USP34: variants seen among roughly 807,000 people sequenced by gnomAD.
The protein encoded by USP34 is ubiquitin carboxyl-terminal hydrolase 34.
USP34 carries 70 observed loss-of-function variants against 460.3 expected under a neutral mutation model. The ratio of observed to expected loss-of-function variants is 0.15; its 90% CI spans 0.13 to 0.19. The LOEUF (loss-of-function observed/expected upper bound fraction) is 0.19, where lower values mean the gene tolerates loss of function less well. USP34 is among the 10% of genes least tolerant of loss of function. The probability of loss-of-function intolerance (pLI) is 1.00; values close to 1 mark genes in which losing one functional copy is unlikely to be tolerated. For missense variants in USP34, 3,985 were observed against 4,236.2 expected (o/e 0.94, Z 1.65); for synonymous variants, 1,647 against 1,405.3 (o/e 1.17, Z -3.85).
chr2:61,369,909 C>A (rs1420599042), intron 10 of USP34, among the ~76,000 whole-genome samples: 3 of 141,670 alleles, frequency 2.1e-5, no homozygotes, highest in East Asian at 2.1e-4. Flanking sequence ...AGAGATGGGG[C>A]AGAAAGGAAA....
intron 1 of USP34, among the ~76,000 whole-genome samples, chr2:61,435,796 C>G (rs113618752): frequency 6.6e-6 from 1 of 151,848 alleles, no homozygotes; most frequent in African/African-American, 2.4e-5. Context: ...TGGGAGGCCA[C>G]GACGGGCAGA....
rs1690769880 is a variant in USP34, at chr2:61,316,962, G to A, written c.3282+692C>T. Among the ~76,000 whole-genome samples, 3 of 152,124 alleles carry A rather than the reference G, an allele frequency of 2.0e-5. No individual in the cohort carries two copies. In the South Asian group the frequency reaches 6.2e-4, roughly 31 times the overall value. On this transcript the variant is annotated intron_variant, in intron 23 of 79. Coordinates refer to ENST00000398571, the MANE Select transcript of USP34 (RefSeq NM_014709.4). ...AAAAATTTCCCCAAACTTGCTAAGAGATACAAGTATTCTTTTTTCTTCAGA... is the reference window on the plus strand; with the variant it reads ...AAAAATTTCCCCAAACTTGCTAAGAAATACAAGTATTCTTTTTTCTTCAGA...
chr2:61,277,772 A>G (rs1689414865), intron 41 of USP34: 1 of 163,868 alleles, frequency 6.1e-6, no homozygotes, highest in African/African-American at 2.4e-5. Flanking sequence ...TATTGCCTAT[A>G]ATTCCCATTG....
chr2:61,343,443 A>C (rs549588639), intron 16 of USP34, among the ~76,000 whole-genome samples: 1 of 152,354 alleles, frequency 6.6e-6, no homozygotes, highest in East Asian at 1.9e-4. Flanking sequence ...TAGACATATC[A>C]TATAAATGGA....
intron 1 of USP34, among the ~76,000 whole-genome samples, chr2:61,467,367 C>A (rs1007570721): frequency 5.9e-5 from 9 of 152,058 alleles, no homozygotes; most frequent in African/African-American, 1.9e-4. Flanking sequence ...CCACGCTGGT[C>A]TCGAACTCCT....
At chr2:61,286,483 C>T (rs1224087156) in intron 34 of USP34, among the ~76,000 whole-genome samples, 3 of 152,078 alleles carry the variant, frequency 2.0e-5, no homozygotes, top group African/African-American at 7.2e-5. Flanking sequence ...TGGCAAAACC[C>T]CGTCTCTATG....
intron 21 of USP34, among the ~76,000 whole-genome samples, chr2:61,324,541 G>A (rs984342897): frequency 6.6e-6 from 1 of 152,170 alleles, no homozygotes; most frequent in Non-Finnish European, 1.5e-5. Context: ...GGGAGGCCAA[G>A]GCAGGAAGAC....
chr2:61,320,500 T>A (rs116445325), intron 21 of USP34, among the ~76,000 whole-genome samples: 49,845 of 151,878 alleles, frequency 0.33, 8,294 homozygotes, highest in Non-Finnish European at 0.37. Context: ...AGGAATCAGT[T>A]TTTTTCCTCA....
chr2:61,341,601 G>T (rs752506110), intron 16 of USP34, among the ~76,000 whole-genome samples: 2 of 151,678 alleles, frequency 1.3e-5, no homozygotes, highest in South Asian at 4.2e-4. Flanking sequence ...TCTGCCATGA[G>T]ACCCCTGCTC....
At chr2:61,344,468 A>C (rs1206310192) in intron 15 of USP34, among the ~76,000 whole-genome samples, 1 of 152,212 alleles carries the variant, frequency 6.6e-6, no homozygotes, top group Admixed American at 6.5e-5. Flanking sequence ...AAACAAACCC[A>C]AATTAAGTAT....
chr2:61,228,117 C>T (rs1422909552), intron 61 of USP34, among the ~76,000 whole-genome samples: 1 of 152,178 alleles, frequency 6.6e-6, no homozygotes, highest in Non-Finnish European at 1.5e-5. Flanking sequence ...ATTAACTTCT[C>T]TAAGTTTCAA....
At chr2:61,202,670 A>G (rs1040666302) in intron 75 of USP34, among the ~76,000 whole-genome samples, 8 of 151,954 alleles carry the variant, frequency 5.3e-5, no homozygotes, top group African/African-American at 1.7e-4. Flanking sequence ...TATGAGACTT[A>G]CCTCCTAATT....
rs747631248 is a variant in USP34 at position 61,420,847 on chromosome 2, G to GA, written c.44-15dup. On this transcript the variant is annotated splice_polypyrimidine_tract_variant and intron_variant, in intron 1 of 79. Coordinates refer to ENST00000398571, the MANE Select transcript of USP34 (RefSeq NM_014709.4). ...CTACATCTGATACTGAAATAAAAAA[G>GA]AAATTTTAAAATTATGAATAATGCT... The GA allele has an allele frequency of 3.1e-6, 5 of 1,591,024 alleles. No homozygotes were observed. In the African/African-American group the frequency reaches 6.8e-5, roughly 22 times the overall value.
At chr2:61,351,192 A>C (rs200418029) in intron 10 of USP34, among the ~76,000 whole-genome samples, 1 of 152,240 alleles carries the variant, frequency 6.6e-6, no homozygotes, top group East Asian at 1.9e-4. Context: ...AAATAAGTTA[A>C]ATAGTAAATT....
intron 1 of USP34, among the ~76,000 whole-genome samples, chr2:61,433,191 T>C (rs1573036463): frequency 1.3e-5 from 2 of 152,266 alleles, no homozygotes; most frequent in Admixed American, 6.5e-5. Context: ...GAAGGCAGTA[T>C]GGAAGCATCC....
In USP34 at chr2:61,333,899, A is replaced by G. The variant is rs1190620393; in HGVS notation, c.2817T>C (p.Asp939=). 6.3e-7 allele frequency: 1 copy of G among 1,586,166 alleles called. No homozygotes were observed. The highest frequency in any genetic ancestry group is 8.6e-7 in the Non-Finnish European group (1 of 1,166,124). ...TTACTTACATTGTTATCCAGTGTGTATCGTAACTGCTCCCAAACTGCTGAA... is the reference window on the plus strand; with the variant it reads ...TTACTTACATTGTTATCCAGTGTGTGTCGTAACTGCTCCCAAACTGCTGAA... The part of the protein sequence containing the change: ...GTFQQFGSSY[D]THWITMWAEK... Residue 939 remains aspartate, a synonymous_variant, in exon 19 of 80, where the codon GAT becomes GAC. Coordinates refer to ENST00000398571, the MANE Select transcript of USP34 (RefSeq NM_014709.4).
chr2:61,355,637 A>C (rs974310060), intron 10 of USP34, among the ~76,000 whole-genome samples: 1 of 152,044 alleles, frequency 6.6e-6, no homozygotes, highest in Admixed American at 6.6e-5. Flanking sequence ...ACAACAACAA[A>C]CAAACACAAA....
chr2:61,344,122 A>C (rs887575385), intron 15 of USP34, 93 bp from the exon 16 acceptor site: 4 of 1,176,744 alleles, frequency 3.4e-6, no homozygotes, highest in Non-Finnish European at 4.8e-6. Context: ...TTACAAATAC[A>C]CTTAGAAACA....
intron 10 of USP34, among the ~76,000 whole-genome samples, chr2:61,352,326 T>C (rs1008332351): frequency 4.0e-5 from 6 of 151,874 alleles, no homozygotes; most frequent in African/African-American, 1.4e-4. Flanking sequence ...ATATAGTATA[T>C]GTATATACTA....
Sources: gnomAD v4.1 joint callset for allele counts (sites outside exome capture counted in the v4.1 genomes callset) on GRCh38, gnomAD v4.1.1 for gene constraint, MANE v1.5 for transcripts, NCBI Gene and HGNC (gene_info 2026-07-23, HGNC 2026-07-21) for gene names.